Variants in NTM observed in about 807,000 individuals in gnomAD.
NTM encodes the protein IgLON family member 2.
In NTM, 13 loss-of-function variants were observed where a neutral mutation model predicts 42.1. The ratio of observed to expected loss-of-function variants is 0.31; its 90% CI spans 0.20 to 0.49. NTM has a LOEUF of 0.49. Ranked by LOEUF, NTM falls within the 20% of genes least tolerant of loss-of-function variation. The pLI, the probability that NTM is intolerant of heterozygous loss-of-function variation, is 0.99. For missense variants in NTM, 373 were observed against 452.8 expected (o/e 0.82, Z 1.60); for synonymous variants, 187 against 179.2 (o/e 1.04, Z -0.35).
At chr11:132,061,744 C>A (rs2080710321) in intron 2 of NTM, among the ~76,000 whole-genome samples, 1 of 152,116 alleles carries the variant, frequency 6.6e-6, no homozygotes, top group Admixed American at 6.6e-5. Flanking sequence ...AGACCTCAGG[C>A]AGTTATACAG....
chr11:132,088,555 T>C (rs1445900622), intron 2 of NTM, among the ~76,000 whole-genome samples: 1 of 151,994 alleles, frequency 6.6e-6, no homozygotes, highest in Non-Finnish European at 1.5e-5. Context: ...CCTCACACAC[T>C]GAATACCAGG....
Position 132,003,256 on chromosome 11 carries a change from TC to T in NTM, c.167+91609del, listed in dbSNP as rs1555214015. Among the ~76,000 whole-genome samples the T allele has an allele frequency of 2.7e-5, 4 of 148,298 alleles. No individual in the cohort carries two copies. Among genetic ancestry groups the T allele is most frequent in the Non-Finnish European group, 5.9e-5 (4 of 67,466 alleles). The stretch of plus-strand genomic sequence containing the variant: ...CACCCACACCCTTAGAGTTTTTTTT[TC>T]TTTTTTTTTTTTGACAGGTTATTTG... On this transcript the variant is annotated intron_variant, in intron 2 of 8. Transcript: ENST00000683400. This position sits in a 1 kb window ranked among gnomAD's most constrained non-coding sequence, Gnocchi z 6.0.
At chr11:131,402,215 G>A (rs1945318716) in intron 1 of NTM, among the ~76,000 whole-genome samples, 3 of 151,944 alleles carry the variant, frequency 2.0e-5, no homozygotes, top group South Asian at 2.1e-4. Flanking sequence ...CACATGTCAT[G>A]TCATAACCAC....
At chr11:131,828,969 A>C (rs1592138182) in intron 1 of NTM, among the ~76,000 whole-genome samples, 3 of 146,042 alleles carry the variant, frequency 2.1e-5, no homozygotes, top group African/African-American at 2.5e-5. Flanking sequence ...TCCCTCCATC[A>C]CTCTCCCTCT....
chr11:131,868,162 A>G (rs1434140120), intron 1 of NTM, among the ~76,000 whole-genome samples: 1 of 152,202 alleles, frequency 6.6e-6, no homozygotes, highest in Non-Finnish European at 1.5e-5. Context: ...GTCTGGATAA[A>G]CCTTAAAGAA....
intron 1 of NTM, among the ~76,000 whole-genome samples, chr11:131,809,274 G>C (rs1035536324): frequency 6.6e-6 from 1 of 152,208 alleles, no homozygotes; most frequent in Non-Finnish European, 1.5e-5. Flanking sequence ...GGGTCAGCTG[G>C]TAAGTAGCCA....
intron 1 of NTM, among the ~76,000 whole-genome samples, chr11:131,419,471 G>T (rs992111374): frequency 1.3e-5 from 2 of 152,168 alleles, no homozygotes; most frequent in Admixed American, 1.3e-4. Flanking sequence ...AGGCCTGAAG[G>T]ATAAGAAGGG....
chr11:132,277,204 A>G (rs2093761568), intron 4 of NTM, among the ~76,000 whole-genome samples: 1 of 152,144 alleles, frequency 6.6e-6, no homozygotes, highest in South Asian at 2.1e-4. Flanking sequence ...GCAAGAGTGT[A>G]CATTTTTGCC....
intron 2 of NTM, among the ~76,000 whole-genome samples, chr11:132,117,041 A>G (rs987644235): frequency 6.6e-6 from 1 of 152,216 alleles, no homozygotes; most frequent in Non-Finnish European, 1.5e-5. Flanking sequence ...GCAGACTCTC[A>G]TCAGCCCCCA....
At chr11:131,511,677 G>A (rs533328766) in intron 1 of NTM, among the ~76,000 whole-genome samples, 58 of 152,142 alleles carry the variant, frequency 3.8e-4, no homozygotes, top group Non-Finnish European at 2.9e-4. Context: ...CCAGAATGAT[G>A]GGATTATTGT....
At chr11:131,482,177 T>C (rs1565548248) in intron 1 of NTM, among the ~76,000 whole-genome samples, 1 of 152,206 alleles carries the variant, frequency 6.6e-6, no homozygotes, top group Non-Finnish European at 1.5e-5. Flanking sequence ...AGCTACCTTT[T>C]ATATTCTGTA....
chr11:132,263,118 G>A lies in NTM; in HGVS notation c.527-44571G>A, dbSNP rs1348318670. Among the ~76,000 whole-genome samples, 4 of 152,194 alleles carry A rather than the reference G, an allele frequency of 2.6e-5. No individual in the cohort carries two copies. The East Asian group carries it at 7.7e-4, about 29-fold the overall frequency. The stretch of plus-strand genomic sequence containing the variant: ...TATATCTTCTTTTGTTTGATGCTCT[G>A]CCTTCCAGACCCAGTGGGGTGGCAG... On this transcript the variant is annotated intron_variant, in intron 4 of 8. Coordinates refer to ENST00000683400, the MANE Select transcript of NTM (RefSeq NM_001352005.2).
chr11:131,832,845 C>T (rs549373757), intron 1 of NTM, among the ~76,000 whole-genome samples: 19 of 152,226 alleles, frequency 1.2e-4, no homozygotes, highest in South Asian at 1.0e-3. Context: ...TAGACAAGGG[C>T]GCTTTAAAAA....
intron 1 of NTM, among the ~76,000 whole-genome samples, chr11:131,826,893 A>C (rs1241657360): frequency 6.6e-6 from 1 of 152,128 alleles, no homozygotes; most frequent in African/African-American, 2.4e-5. Flanking sequence ...GAGTTTATGC[A>C]GTCACATGGC....
intron 4 of NTM, among the ~76,000 whole-genome samples, chr11:132,278,608 T>G (rs2093828339): frequency 6.6e-6 from 1 of 152,098 alleles, no homozygotes; most frequent in Admixed American, 6.5e-5. Flanking sequence ...CACCTCTCAG[T>G]GGGAGGACTG....
At chr11:131,702,267 G>GA (rs1158519312) in intron 1 of NTM, among the ~76,000 whole-genome samples, 4 of 151,456 alleles carry the variant, frequency 2.6e-5, no homozygotes, top group Non-Finnish European at 4.4e-5. Flanking sequence ...TCTCTAAAAA[G>GA]AAAAAAAAGT....
At chr11:131,737,598 G>C (rs2080637844) in intron 1 of NTM, among the ~76,000 whole-genome samples, 1 of 152,120 alleles carries the variant, frequency 6.6e-6, no homozygotes, top group South Asian at 2.1e-4. Flanking sequence ...CCCTGTTTCT[G>C]GGGGAAGATG....
intron 1 of NTM, among the ~76,000 whole-genome samples, chr11:131,803,589 T>G (rs2092305068): frequency 6.6e-6 from 1 of 152,144 alleles, no homozygotes; most frequent in South Asian, 2.1e-4. Context: ...GGATTACAGG[T>G]GTAAGCCACT....
chr11:131,833,378 C>T (rs2043068154), intron 1 of NTM, among the ~76,000 whole-genome samples: 1 of 152,174 alleles, frequency 6.6e-6, no homozygotes, highest in South Asian at 2.1e-4. Context: ...ACATACACTA[C>T]CTCATGTAAC....
Sources: allele counts gnomAD v4.1 joint callset (sites outside exome capture counted in the v4.1 genomes callset), GRCh38; gene constraint gnomAD v4.1.1; non-coding constraint Gnocchi (gnomAD v3.1); transcripts MANE v1.5; gene names NCBI Gene and HGNC (gene_info 2026-07-23, HGNC 2026-07-21).